Variants in CAMSAP1 observed in about 807,000 individuals in gnomAD.
CAMSAP1 encodes calmodulin-regulated spectrin-associated protein 1.
CAMSAP1 carries 58 observed loss-of-function variants against 143.5 expected under a neutral mutation model. The observed-to-expected ratio is 0.40, with a 90% confidence interval of 0.33 to 0.50. The LOEUF (loss-of-function observed/expected upper bound fraction) is 0.50. Ranked by LOEUF, CAMSAP1 falls within the 20% of genes least tolerant of loss-of-function variation. CAMSAP1 has a pLI of 0.45. For missense variants in CAMSAP1, 1,969 were observed against 2,115.7 expected (o/e 0.93, Z 1.36); for synonymous variants, 945 against 859.3 (o/e 1.10, Z -1.74).
rs767367241 is a variant in CAMSAP1 at position 135,827,531 on chromosome 9, C to T, written c.1099G>A (p.Ala367Thr). 4 of 1,612,300 alleles carry T rather than the reference C, an allele frequency of 2.5e-6. No individual in the cohort carries two copies. Among genetic ancestry groups the T allele is most frequent in the Admixed American group, 1.7e-5 (1 of 59,952 alleles). ...CTGCCTAGGAAACTGCGTTTGGTCG[C>T]GTTGGAGATCGGTACAGGAGGCCGG... ...SSRPPVPISN[A>T]TKRSFLGSPA... is the part of the protein sequence containing the mutation. The change falls in exon 8 of 17, where the codon GCG becomes ACG. Residue 367 changes from alanine to threonine, a missense_variant. By Grantham distance (58) the Ala-to-Thr change is moderately conservative. Transcript: ENST00000389532.
intron 3 of CAMSAP1, among the ~76,000 whole-genome samples, chr9:135,872,444 T>A (rs1837598816): frequency 6.6e-6 from 1 of 150,592 alleles, no homozygotes. Context: ...TAAAAAAAAA[T>A]CCAAAATAAC....
intron 1 of CAMSAP1, among the ~76,000 whole-genome samples, chr9:135,894,783 A>C (rs1838395414): frequency 6.6e-6 from 1 of 152,262 alleles, no homozygotes; most frequent in South Asian, 2.1e-4. Flanking sequence ...GACTTTAATC[A>C]GAGGATGATG....
intron 7 of CAMSAP1, among the ~76,000 whole-genome samples, chr9:135,846,659 C>A (rs1431646412): frequency 3.5e-5 from 3 of 85,196 alleles, no homozygotes; most frequent in Admixed American, 1.5e-4. Context: ...CCAGAATCTA[C>A]AAGGAACTTA....
intron 7 of CAMSAP1, among the ~76,000 whole-genome samples, chr9:135,834,496 G>C (rs760166031): frequency 2.7e-4 from 41 of 152,192 alleles, no homozygotes; most frequent in Non-Finnish European, 4.7e-4. Context: ...CTTGTCATTT[G>C]TGACAACACA....
chr9:135,821,736 G>C lies in CAMSAP1; in HGVS notation c.2925C>G (p.Asp975Glu). The change falls in exon 11 of 17, where the codon GAC becomes GAG. Residue 975 changes from aspartate (D) to glutamate (E), a missense_variant. Coordinates refer to ENST00000389532, the MANE Select transcript of CAMSAP1 (RefSeq NM_015447.4). The surrounding 1 kb of genome is among the most constrained non-coding windows in gnomAD (Gnocchi z 4.6). Reference protein sequence around the residue: ...EELLHEPQDVDKESLAFAQQH... With the variant: ...EELLHEPQDVEKESLAFAQQH... Reference sequence around the variant, plus strand: ...GCTGAGCAAAGGCCAGGCTCTCTTTGTCCACATCCTGTGGCTCGTGAAGGA... The same window carrying C: ...GCTGAGCAAAGGCCAGGCTCTCTTTCTCCACATCCTGTGGCTCGTGAAGGA... 1 of 1,613,984 alleles carries C rather than the reference G, an allele frequency of 6.2e-7. No individual in the cohort carries two copies. The highest frequency in any genetic ancestry group is 8.5e-7 in the Non-Finnish European group (1 of 1,179,884).
rs1475577248 is a variant in CAMSAP1 at position 135,823,223 on chromosome 9, C to A, written c.1438G>T (p.Ala480Ser). The part of the protein sequence containing the change: ...SQPTPFALHH[A>S]ASCEVDPSSG... ...CTGGGATCCACTTCACAACTCGCAG[C>A]GTGATGTAGAGCAAAAGGTGTTGGC... The change falls in exon 11 of 17, where the codon GCT becomes TCT. Residue 480 changes from alanine to serine, a missense_variant. This residue lies in a region of CAMSAP1 where 1,390 missense variants were observed against 1,420.8 expected (regional missense o/e 0.98). Transcript: ENST00000389532. 6.4e-7 allele frequency: 1 copy of A among 1,569,190 alleles called. No individual in the cohort carries two copies. The highest frequency in any genetic ancestry group is 8.6e-7 in the Non-Finnish European group (1 of 1,156,874).
At chr9:135,888,119 C>T (rs1402029674) in intron 1 of CAMSAP1, among the ~76,000 whole-genome samples, 1 of 152,214 alleles carries the variant, frequency 6.6e-6, no homozygotes, top group Non-Finnish European at 1.5e-5. Flanking sequence ...GGCCCAGAGT[C>T]CCAGCTTGGC....
At chr9:135,817,932 G>A (rs376962157) in intron 14 of CAMSAP1, 45 bp downstream of exon 14, 15 of 1,548,750 alleles carry the variant, frequency 9.7e-6, no homozygotes, top group East Asian at 4.5e-5. Flanking sequence ...CTGCCCCTCC[G>A]AACGTCCTCC....
chr9:135,896,349 G>GA (rs1262427102), intron 1 of CAMSAP1, among the ~76,000 whole-genome samples: 3 of 152,246 alleles, frequency 2.0e-5, no homozygotes, highest in African/African-American at 7.2e-5. Context: ...TAAAAATCCT[G>GA]AAAGTCCACG....
In CAMSAP1 at chr9:135,822,687, G is replaced by C; in HGVS notation, c.1974C>G (p.Phe658Leu). ...TCTCGGTGGGGTCGATGCCCATGGG[G>C]AATTCTGAGCATGGAATCGGGGTAA... is the stretch of plus-strand genomic sequence containing the variant. ...RTFTPIPCSEFPMGIDPTETG... is the reference protein window; with the variant it reads ...RTFTPIPCSELPMGIDPTETG... The change falls in exon 11 of 17, where the codon TTC becomes TTG. Residue 658 changes from phenylalanine (F) to leucine (L), a missense_variant. By Grantham distance (22) the Phe-to-Leu change is conservative. This residue lies in a region of CAMSAP1 where 1,390 missense variants were observed against 1,420.8 expected (regional missense o/e 0.98). Coordinates refer to ENST00000389532, the MANE Select transcript of CAMSAP1 (RefSeq NM_015447.4). The surrounding 1 kb of genome is among the most constrained non-coding windows in gnomAD (Gnocchi z 6.1). 1 of 1,601,692 alleles carries C rather than the reference G, an allele frequency of 6.2e-7. No individual in the cohort carries two copies. The highest frequency in any genetic ancestry group is 1.1e-5 in the South Asian group (1 of 90,330).
In CAMSAP1 at chr9:135,818,472, C is replaced by T. The variant is rs1009507583; in HGVS notation, c.4104G>A (p.Pro1368=). ...CTTCCCGGTGCACCGACTTCGGCCG[C>T]GGCTTCTTCGGCTTTGACTTGGGCT... ...LGKPKSKPKK[P]RPKSVHREES... Residue 1368 remains proline, a synonymous_variant, in exon 13 of 17, where the codon CCG becomes CCA. Coordinates refer to ENST00000389532, the MANE Select transcript of CAMSAP1 (RefSeq NM_015447.4). This position sits in a 1 kb window ranked among gnomAD's most constrained non-coding sequence, Gnocchi z 7.7. 6 of 1,606,912 alleles carry T rather than the reference C, an allele frequency of 3.7e-6. No individual in the cohort carries two copies. Among genetic ancestry groups the T allele is most frequent in the East Asian group, 2.2e-5 (1 of 44,798 alleles).
Position 135,823,143 on chromosome 9 carries a change from G to C in CAMSAP1, c.1518C>G (p.Ser506=). The part of the protein sequence containing the change: ...ARSISKDSLA[S]NIVNLTPQNQ... Reference sequence around the variant, plus strand: ...TCTGTGGGGTCAGATTAACAATGTTGGATGCCAAACTGTCTTTGCTGATGG... The same window carrying C: ...TCTGTGGGGTCAGATTAACAATGTTCGATGCCAAACTGTCTTTGCTGATGG... The change falls in exon 11 of 17, where the codon TCC becomes TCG. Residue 506 remains serine (S), a synonymous_variant. Transcript: ENST00000389532. 6.2e-7 allele frequency: 1 copy of C among 1,613,464 alleles called. No homozygotes were observed. Among genetic ancestry groups the C allele is most frequent in the Non-Finnish European group, 8.5e-7 (1 of 1,179,510 alleles).
intron 1 of CAMSAP1, among the ~76,000 whole-genome samples, chr9:135,897,930 G>C (rs1053066415): frequency 2.0e-5 from 3 of 152,154 alleles, no homozygotes; most frequent in Non-Finnish European, 4.4e-5. Context: ...ATGAGTCAAA[G>C]AAGTAGTTAT....
chr9:135,855,823 C>T (rs895066757), intron 5 of CAMSAP1, among the ~76,000 whole-genome samples: 3 of 150,790 alleles, frequency 2.0e-5, no homozygotes, highest in Non-Finnish European at 2.9e-5. Context: ...GAGGCCGAGG[C>T]GGGCGGATCA....
Position 135,885,828 on chromosome 9 carries a change from G to C in CAMSAP1, c.161-2750C>G, listed in dbSNP as rs531398504. On this transcript the variant is annotated intron_variant, in intron 1 of 16. Coordinates refer to ENST00000389532, the MANE Select transcript of CAMSAP1 (RefSeq NM_015447.4). The stretch of plus-strand genomic sequence containing the variant: ...CTAAAGATACAAGCTTCAGACTGTG[G>C]TGAAGCCCTCCTAACTGTATGTTAC... 9.2e-5 allele frequency among the ~76,000 whole-genome samples: 14 copies of C among 152,296 alleles called. No individual in the cohort carries two copies. The South Asian group carries it at 2.9e-3, about 32-fold the overall frequency.
rs779824890 is a variant in CAMSAP1 at position 135,821,450 on chromosome 9, C to T, written c.3211G>A (p.Ala1071Thr). The T allele has an allele frequency of 6.2e-7, 1 of 1,613,928 alleles. No homozygotes were observed. The highest frequency in any genetic ancestry group is 1.7e-5 in the Admixed American group (1 of 60,010). The change falls in exon 11 of 17, where the codon GCA becomes ACA. Residue 1071 changes from alanine (A) to threonine (T), a missense_variant. Physicochemically the swap from Ala to Thr is moderately conservative, Grantham distance 58. Coordinates refer to ENST00000389532, the MANE Select transcript of CAMSAP1 (RefSeq NM_015447.4). This position sits in a 1 kb window ranked among gnomAD's most constrained non-coding sequence, Gnocchi z 4.6. ...KNNSQDHKVKAPVHFVEPLSP... is the reference protein window; with the variant it reads ...KNNSQDHKVKTPVHFVEPLSP... ...AGTGGCTCCACGAAGTGGACTGGTG[C>T]CTTCACTTTGTGGTCCTGCGAGTTA...
Position 135,882,993 on chromosome 9 carries a change from G to A in CAMSAP1, c.246C>T (p.Leu82=). 1 of 1,551,762 alleles carries A rather than the reference G, an allele frequency of 6.4e-7. No individual in the cohort carries two copies. The highest frequency in any genetic ancestry group is 1.2e-5 in the South Asian group (1 of 84,060). Residue 82 remains leucine (L), a synonymous_variant, in exon 2 of 17, where the codon CTC becomes CTT. Transcript: ENST00000389532. This position sits in a 1 kb window ranked among gnomAD's most constrained non-coding sequence, Gnocchi z 4.9. ...CACGGCAGTACAGCTCGCTGGACAG[G>A]AGAAGCTTGATAACAGGCGGCTTAA... ...EHIKPPVIKL[L]LSSELYCRVC... is the part of the protein sequence containing the mutation.
chr9:135,906,281 G>A (rs920713294), intron 1 of CAMSAP1, among the ~76,000 whole-genome samples: 3 of 152,192 alleles, frequency 2.0e-5, no homozygotes, highest in Non-Finnish European at 2.9e-5. Flanking sequence ...AATGAAAAGA[G>A]GATTGCAGAA....
intron 4 of CAMSAP1, 174 bp downstream of exon 4, chr9:135,866,282 G>C: frequency 1.8e-6 from 1 of 564,660 alleles, no homozygotes; most frequent in South Asian, 2.1e-5. Flanking sequence ...GGCTGCCGTG[G>C]TCACATCTCA....
Sources: allele counts gnomAD v4.1 joint callset (sites outside exome capture counted in the v4.1 genomes callset), GRCh38; gene constraint gnomAD v4.1.1; regional missense constraint gnomAD v4.1.1; non-coding constraint Gnocchi (gnomAD v3.1); transcripts MANE v1.5; gene names NCBI Gene and HGNC (gene_info 2026-07-23, HGNC 2026-07-21).